The following SLC13A2 variants were observed in gnomAD, a reference collection of about 807,000 sequenced individuals.
The protein encoded by SLC13A2 is solute carrier family 13 member 2.
In SLC13A2, 40 loss-of-function variants were observed where a neutral mutation model predicts 58.5. That is an observed-to-expected ratio of 0.68 (90% CI 0.53 to 0.89). The LOEUF (loss-of-function observed/expected upper bound fraction) is 0.89. Ranked by LOEUF, SLC13A2 falls within the 40% of genes least tolerant of loss-of-function variation. SLC13A2 has a pLI of 0.00. For synonymous variants in SLC13A2, 341 were observed against 331.6 expected (o/e 1.03, Z -0.31); for missense variants, 694 against 772.6 (o/e 0.90, Z 1.21).
intron 6 of SLC13A2, among the ~76,000 whole-genome samples, chr17:28,492,108 C>A (rs999706291): frequency 6.6e-6 from 1 of 152,144 alleles, no homozygotes; most frequent in African/African-American, 2.4e-5. Context: ...GGCTGCAAAC[C>A]AGGTCACTTG....
At chr17:28,490,996 G>A in intron 4 of SLC13A2, 90 bp downstream of exon 4, 1 of 1,246,458 alleles carries the variant, frequency 8.0e-7, no homozygotes, top group Non-Finnish European at 1.1e-6. Context: ...GGTCATCTTG[G>A]AGCCTTTGGG....
At chr17:28,491,696 C>T in intron 5 of SLC13A2, 34 bp from the exon 6 acceptor site, 2 of 1,611,524 alleles carry the variant, frequency 1.2e-6, no homozygotes, top group Non-Finnish European at 1.7e-6. Flanking sequence ...GTTCTCGGGG[C>T]AATGTCACAC....
intron 1 of SLC13A2, among the ~76,000 whole-genome samples, chr17:28,488,327 A>G (rs1555602377): frequency 6.6e-6 from 1 of 152,124 alleles, no homozygotes; most frequent in Non-Finnish European, 1.5e-5. Flanking sequence ...AAACCCCAGC[A>G]TGCGGCCCCT....
At chr17:28,477,186 G>GTTTTTTTT (rs1251199584) in intron 1 of SLC13A2, among the ~76,000 whole-genome samples, 1 of 119,430 alleles carries the variant, frequency 8.4e-6, no homozygotes, top group Non-Finnish European at 1.7e-5. Flanking sequence ...AAACACCCAA[G>GTTTTTTTT]TTTTTTGTTT....
At chr17:28,480,572 T>C (rs1308151264) in intron 1 of SLC13A2, among the ~76,000 whole-genome samples, 8 of 152,194 alleles carry the variant, frequency 5.3e-5, no homozygotes, top group Non-Finnish European at 1.2e-4. Context: ...CAGCAGCGTG[T>C]ACTGCCGTGT....
intron 9 of SLC13A2, 92 bp from the exon 10 acceptor site, chr17:28,495,563 T>C: frequency 7.8e-7 from 1 of 1,283,836 alleles, no homozygotes; most frequent in South Asian, 1.4e-5. Context: ...CAGGGAGATG[T>C]TAGCAGGAGC....
intron 1 of SLC13A2, among the ~76,000 whole-genome samples, chr17:28,479,681 C>T (rs751209249): frequency 1.9e-4 from 29 of 152,184 alleles, no homozygotes; most frequent in Non-Finnish European, 3.4e-4. Context: ...GAATCACTGG[C>T]CCTTTTAGAA....
chr17:28,494,545 GT>G lies in SLC13A2; in HGVS notation c.1308+34del, dbSNP rs782211876. The stretch of plus-strand genomic sequence containing the variant: ...GCCCCCAGCCCCCTCCTCAGCCTGT[GT>G]GAGGGTGTCTCTGTGGCAGGGAGAG... On this transcript the variant is annotated intron_variant, in intron 9 of 11. Coordinates refer to ENST00000314669, the MANE Select transcript of SLC13A2 (RefSeq NM_003984.4). The surrounding 1 kb of genome is among the most constrained non-coding windows in gnomAD (Gnocchi z 4.0). 1.9e-5 allele frequency: 30 copies of G among 1,613,068 alleles called. No homozygotes were observed. In the African/African-American group the frequency reaches 3.7e-4, roughly 20 times the overall value.
At chr17:28,493,834 A>G (rs782073702) in intron 7 of SLC13A2, 45 bp downstream of exon 7, 35 of 1,602,024 alleles carry the variant, frequency 2.2e-5, no homozygotes, top group Admixed American at 6.7e-5. Context: ...TGGGGCTCAC[A>G]TGCTCGGGAA....
At position 28,496,064 on chromosome 17, in the gene SLC13A2, CA is replaced by C. The variant is rs148113580; in HGVS notation, c.1470+249del. 3.4e-3 allele frequency among the ~76,000 whole-genome samples: 522 copies of C among 152,304 alleles called. 5 individuals carry two copies. The highest frequency in any genetic ancestry group is 0.012 in the African/African-American group (486 of 41,572). On this transcript the variant is annotated intron_variant, in intron 10 of 11. Transcript: ENST00000314669. The surrounding 1 kb of genome is among the most constrained non-coding windows in gnomAD (Gnocchi z 4.2). ...ATCCTGATGGGGATCCTGGTGGCCT[CA>C]CCCACCTCCCCACCCCAGTCCCTGT... is the stretch of plus-strand genomic sequence containing the variant.
chr17:28,494,610 T>A lies in SLC13A2; in HGVS notation c.1308+98T>A. The A allele has an allele frequency of 6.4e-7, 1 of 1,552,846 alleles. No individual in the cohort carries two copies. The highest frequency in any genetic ancestry group is 8.7e-7 in the Non-Finnish European group (1 of 1,145,944). ...TCTGTCCCACAGAGGGGAGACCTGG[T>A]CCCCACGTAGGAGCCTCTCGGGTAG... On this transcript the variant is annotated intron_variant, in intron 9 of 11. Coordinates refer to ENST00000314669, the MANE Select transcript of SLC13A2 (RefSeq NM_003984.4). This position sits in a 1 kb window ranked among gnomAD's most constrained non-coding sequence, Gnocchi z 4.0.
chr17:28,487,093 C>T (rs1294971914), intron 1 of SLC13A2, among the ~76,000 whole-genome samples: 2 of 152,230 alleles, frequency 1.3e-5, no homozygotes, highest in African/African-American at 2.4e-5. Context: ...CCGCCATGCC[C>T]AGCCTGGTCC....
At position 28,493,937 on chromosome 17, in the gene SLC13A2, TCTC is replaced by T; in HGVS notation, c.1098-78_1098-76del. 3 of 1,499,808 alleles carry T rather than the reference TCTC, an allele frequency of 2.0e-6. No individual in the cohort carries two copies. The South Asian group carries it at 3.4e-5, about 17-fold the overall frequency. 92.9% of individuals were successfully genotyped at this position (1,499,808 alleles called of 1,614,324 possible). On this transcript the variant is annotated intron_variant, in intron 7 of 11. Transcript: ENST00000314669. ...CAGGCTTGTCTATGGGAGAGGCTCATCTCCACCACCCTCCACCCTGTGGCCCTG... is the reference window on the plus strand; with the variant it reads ...CAGGCTTGTCTATGGGAGAGGCTCATCACCACCCTCCACCCTGTGGCCCTG...
At position 28,495,821 on chromosome 17, in the gene SLC13A2, G is replaced by C; in HGVS notation, c.1470+5G>C. ...CTGCCCATCCTAGCCTCCATGGTGA[G>C]CTGGCCCTCAGAAACACCTCCTCCA... On this transcript the variant is annotated splice_donor_5th_base_variant and intron_variant, in intron 10 of 11. Coordinates refer to ENST00000314669, the MANE Select transcript of SLC13A2 (RefSeq NM_003984.4). 1 of 1,610,882 alleles carries C rather than the reference G, an allele frequency of 6.2e-7. No individual in the cohort carries two copies. The highest frequency in any genetic ancestry group is 1.1e-5 in the South Asian group (1 of 90,798).
At chr17:28,497,041 G>A (rs1464121279) in intron 11 of SLC13A2, 58 bp from the exon 12 acceptor site, 1 of 1,565,652 alleles carries the variant, frequency 6.4e-7, no homozygotes, top group African/African-American at 1.3e-5. Flanking sequence ...AACACCTGGG[G>A]ACTTGGGGGC....
At chr17:28,490,324 TC>T (rs782186895) in intron 2 of SLC13A2, 129 bp from the exon 3 acceptor site, 1 of 1,606,492 alleles carries the variant, frequency 6.2e-7, no homozygotes, top group South Asian at 1.1e-5. Flanking sequence ...AGAGACCATT[TC>T]CATCCAGTTT....
Position 28,493,644 on chromosome 17 carries a change from G to T in SLC13A2, c.952G>T (p.Glu318Ter). 6.2e-7 allele frequency: 1 copy of T among 1,614,184 alleles called. No individual in the cohort carries two copies. Among genetic ancestry groups the T allele is most frequent in the Non-Finnish European group, 8.5e-7 (1 of 1,180,014 alleles). Residue 318 changes from glutamate to a stop codon, truncating the protein, a stop_gained, in exon 7 of 12, where the codon GAG becomes TAG. Coordinates refer to ENST00000314669, the MANE Select transcript of SLC13A2 (RefSeq NM_003984.4). LOFTEE classifies it high-confidence loss of function. ...QQAAYCVIQTEHRLLGPMTFA... is the reference protein window; with the variant it reads ...QQAAYCVIQT The stretch of plus-strand genomic sequence containing the variant: ...GGCAGCCTACTGCGTCATCCAGACC[G>T]AGCACAGGCTGCTGGGCCCCATGAC...
chr17:28,497,061 CA>C, intron 11 of SLC13A2, 37 bp from the exon 12 acceptor site: 21 of 1,601,790 alleles, frequency 1.3e-5, no homozygotes, highest in Non-Finnish European at 1.8e-5. Context: ...CAGTCCAGCC[CA>C]GTCCCTGCTT....
At chr17:28,479,364 GAGGCC>G (rs1324704856) in intron 1 of SLC13A2, among the ~76,000 whole-genome samples, 6 of 152,286 alleles carry the variant, frequency 3.9e-5, no homozygotes, top group African/African-American at 1.2e-4. Context: ...GGGCTCGAGT[GAGGCC>G]TTAAGAGGCC....
Sources: allele counts gnomAD v4.1 joint callset (sites outside exome capture counted in the v4.1 genomes callset), GRCh38; gene constraint gnomAD v4.1.1; non-coding constraint Gnocchi (gnomAD v3.1); transcripts MANE v1.5; gene names NCBI Gene and HGNC (gene_info 2026-07-23, HGNC 2026-07-21).